The following CSF3R variants were observed in gnomAD, a reference collection of about 807,000 sequenced individuals.
CSF3R encodes granulocyte colony-stimulating factor receptor.
CSF3R carries 52 observed loss-of-function variants against 84.4 expected under a neutral mutation model. The observed-to-expected ratio is 0.62, with a 90% confidence interval of 0.49 to 0.78. The LOEUF is 0.78. Among genes scored for constraint, CSF3R ranks in the 30% least tolerant of loss-of-function variants. The pLI is 0.00. For missense variants in CSF3R, 890 were observed against 1,055.7 expected (o/e 0.84, Z 2.17); for synonymous variants, 384 against 429.1 (o/e 0.89, Z 1.30).
intron 2 of CSF3R, among the ~76,000 whole-genome samples, chr1:36,481,082 G>A (rs1362558716): frequency 6.6e-6 from 1 of 152,166 alleles, no homozygotes; most frequent in Non-Finnish European, 1.5e-5. Flanking sequence ...ACTGGTTGGG[G>A]AAGATTTAGC....
Position 36,473,841 on chromosome 1 carries a change from T to C in CSF3R, c.408A>G (p.Thr136=). ...PHNLSCLMNL[T]TSSLICQWEP... ...CCCACTGGCAGATGAGGCTGCTGGT[T>C]GTGAGGTTCATGAGGCAGGAGAGGT... is the stretch of plus-strand genomic sequence containing the variant. Residue 136 remains threonine, a synonymous_variant, in exon 5 of 17, where the codon ACA becomes ACG. Transcript: ENST00000373106. 2 of 1,614,148 alleles carry C rather than the reference T, an allele frequency of 1.2e-6. No homozygotes were observed. The highest frequency in any genetic ancestry group is 1.7e-6 in the Non-Finnish European group (2 of 1,180,012).
chr1:36,478,576 G>C (rs1194534387), intron 3 of CSF3R, among the ~76,000 whole-genome samples: 1 of 151,834 alleles, frequency 6.6e-6, no homozygotes, highest in Non-Finnish European at 1.5e-5. Flanking sequence ...GGCAGGGCGT[G>C]GCGGGTCATG....
At position 36,466,176 on chromosome 1, in the gene CSF3R, A is replaced by G. The variant is rs1650292728; in HGVS notation, c.*181T>C. The G allele has an allele frequency of 6.2e-7, 1 of 1,614,208 alleles. No individual in the cohort carries two copies. The highest frequency in any genetic ancestry group is 1.1e-5 in the South Asian group (1 of 91,090). On this transcript the variant is annotated 3_prime_UTR_variant, in exon 17 of 17. Transcript: ENST00000373106. This position sits in a 1 kb window ranked among gnomAD's most constrained non-coding sequence, Gnocchi z 4.6. Reference sequence around the variant, plus strand: ...TGGAGCATGATCTGGTCCTTAAAGTATGCAGATCGCCTGGGAGGCCCAGCC... The same window carrying G: ...TGGAGCATGATCTGGTCCTTAAAGTGTGCAGATCGCCTGGGAGGCCCAGCC...
intron 3 of CSF3R, chr1:36,479,157 T>A: frequency 2.0e-6 from 1 of 510,142 alleles, no homozygotes; most frequent in Admixed American, 2.9e-5. Flanking sequence ...ATGGGTTGCT[T>A]CTGACAGCTT....
intron 3 of CSF3R, among the ~76,000 whole-genome samples, chr1:36,478,699 AC>A (rs200113098): frequency 1.8e-4 from 25 of 142,258 alleles, no homozygotes; most frequent in African/African-American, 4.8e-4. Context: ...AAATACAACA[AC>A]AAAAAAAAAT....
rs150398406 is a variant in CSF3R, at chr1:36,471,348, A to G, written c.1285+85T>C. The G allele has an allele frequency of 1.4e-4, 186 of 1,369,528 alleles. No homozygotes were observed. The East Asian group carries it at 4.1e-3, about 30-fold the overall frequency. 84.8% of individuals were successfully genotyped at this position (1,369,528 alleles called of 1,614,324 possible). A position where few individuals can be genotyped will look rare whatever the true frequency, so the allele number is the denominator to read the frequency against. On this transcript the variant is annotated intron_variant, in intron 10 of 16. Transcript: ENST00000373106. ...AGGCGTGAGCCACTGCGCCCGGCCAATAGGACTAGATTTAACCCAGGCAGT... is the reference window on the plus strand; with the variant it reads ...AGGCGTGAGCCACTGCGCCCGGCCAGTAGGACTAGATTTAACCCAGGCAGT...
rs763748002 is a variant in CSF3R at position 36,468,174 on chromosome 1, A to G, written c.1624T>C (p.Trp542Arg). Residue 542 changes from tryptophan to arginine, a missense_variant, in exon 13 of 17, where the codon TGG becomes CGG. Physicochemically the swap from Trp to Arg is moderately radical, Grantham distance 101. Coordinates refer to ENST00000373106, the MANE Select transcript of CSF3R (RefSeq NM_000760.4). Reference protein sequence around the residue: ...ELHLKHIGKTWAQLEWVPEPP... With the variant: ...ELHLKHIGKTRAQLEWVPEPP... ...TCAGGCACCCACTCCAGCTGTGCCC[A>G]GGTCTTGCCAATGTGCTTTAGATGC... is the stretch of plus-strand genomic sequence containing the variant. 6.2e-6 allele frequency: 10 copies of G among 1,611,544 alleles called. No homozygotes were observed. The Admixed American group carries it at 6.7e-5, about 11-fold the overall frequency.
At position 36,467,668 on chromosome 1, in the gene CSF3R, G is replaced by A; in HGVS notation, c.1865-17C>T. On this transcript the variant is annotated splice_polypyrimidine_tract_variant and intron_variant, in intron 14 of 16. Coordinates refer to ENST00000373106, the MANE Select transcript of CSF3R (RefSeq NM_000760.4). This position sits in a 1 kb window ranked among gnomAD's most constrained non-coding sequence, Gnocchi z 4.1. ...CCGACCCCTCTGCAGTGAGGGCAGG[G>A]CCGGAAGAAGTTAGAATGCATGTTG... 6.2e-7 allele frequency: 1 copy of A among 1,613,864 alleles called. No homozygotes were observed. Among genetic ancestry groups the A allele is most frequent in the Non-Finnish European group, 8.5e-7 (1 of 1,179,730 alleles).
At chr1:36,471,759 C>T in intron 9 of CSF3R, 113 bp from the exon 10 acceptor site, 1 of 1,046,376 alleles carries the variant, frequency 9.6e-7, no homozygotes, top group South Asian at 1.4e-5. Flanking sequence ...AGGCTGGGGT[C>T]CAGGCTTCTC....
In CSF3R at chr1:36,480,738, A is replaced by G. The variant is rs1330326155; in HGVS notation, c.-21+740T>C. Among the ~76,000 whole-genome samples the G allele has an allele frequency of 1.3e-5, 2 of 152,238 alleles. 1 individual carries two copies. Among genetic ancestry groups the G allele is most frequent in the Admixed American group, 1.3e-4 (2 of 15,288 alleles). ...CTTCCTCCCAGACAGAGGTGTGGAT[A>G]AGAACTGCCCAGATACCCAAGGTTG... On this transcript the variant is annotated intron_variant, in intron 2 of 16. Coordinates refer to ENST00000373106, the MANE Select transcript of CSF3R (RefSeq NM_000760.4).
In CSF3R at chr1:36,467,021, C is replaced by A; in HGVS notation, c.2041-194G>T. 1.4e-6 allele frequency: 2 copies of A among 1,421,044 alleles called. No individual in the cohort carries two copies. Among genetic ancestry groups the A allele is most frequent in the Non-Finnish European group, 1.9e-6 (2 of 1,030,624 alleles). 88.0% of individuals were successfully genotyped at this position (1,421,044 alleles called of 1,614,324 possible). A position where few individuals can be genotyped will look rare whatever the true frequency, so the allele number is the denominator to read the frequency against. On this transcript the variant is annotated intron_variant, in intron 16 of 16. Transcript: ENST00000373106. This position sits in a 1 kb window ranked among gnomAD's most constrained non-coding sequence, Gnocchi z 4.1. Reference sequence around the variant, plus strand: ...CATGCCATGCACCGTTCAGACTCAGCATGGTCAGTTTTTCCATATCACAGG... The same window carrying A: ...CATGCCATGCACCGTTCAGACTCAGAATGGTCAGTTTTTCCATATCACAGG...
chr1:36,471,940 A>G (rs1247074958), intron 9 of CSF3R, 126 bp downstream of exon 9: 4 of 950,338 alleles, frequency 4.2e-6, no homozygotes, highest in Admixed American at 2.0e-5. Flanking sequence ...TGCAAAGTGC[A>G]TGCAAATCAC....
chr1:36,480,855 TC>T (rs373782609), intron 2 of CSF3R, among the ~76,000 whole-genome samples: 332 of 152,262 alleles, frequency 2.2e-3, no homozygotes, highest in African/African-American at 7.8e-3. Context: ...CCCGTAAGTC[TC>T]CTTTGTGCAA....
rs1650377983 is a variant in CSF3R at position 36,467,190 on chromosome 1, A to T, written c.2040+40T>A. ...GTGTCCCTTCACTGAGCCTGGGCCG[A>T]CATCCCCATCTCATTTCCCTCTCCC... On this transcript the variant is annotated intron_variant, in intron 16 of 16. Transcript: ENST00000373106. The surrounding 1 kb of genome is among the most constrained non-coding windows in gnomAD (Gnocchi z 4.1). The T allele has an allele frequency of 3.7e-6, 6 of 1,601,270 alleles. No individual in the cohort carries two copies.
rs1332066159 is a variant in CSF3R, at chr1:36,472,487, T to G, written c.843+30A>C. The stretch of plus-strand genomic sequence containing the variant: ...TACCCTGCCCCCTGCCCCCACCACC[T>G]CAGGCTCTCCAGGTTGCCCTCTGCC... On this transcript the variant is annotated intron_variant, in intron 7 of 16. Coordinates refer to ENST00000373106, the MANE Select transcript of CSF3R (RefSeq NM_000760.4). This position sits in a 1 kb window ranked among gnomAD's most constrained non-coding sequence, Gnocchi z 5.0. 6.2e-7 allele frequency: 1 copy of G among 1,613,970 alleles called. No individual in the cohort carries two copies. Among genetic ancestry groups the G allele is most frequent in the Non-Finnish European group, 8.5e-7 (1 of 1,179,992 alleles).
intron 4 of CSF3R, 72 bp from the exon 5 acceptor site, chr1:36,473,959 G>A (rs2124130005): frequency 1.2e-6 from 2 of 1,607,360 alleles, no homozygotes; most frequent in South Asian, 2.2e-5. Flanking sequence ...GGACCAGCTG[G>A]CCCTGTTGCC....
rs762170433 is a variant in CSF3R at position 36,466,878 on chromosome 1, C to T, written c.2041-51G>A. On this transcript the variant is annotated intron_variant, in intron 16 of 16. Transcript: ENST00000373106. The surrounding 1 kb of genome is among the most constrained non-coding windows in gnomAD (Gnocchi z 4.6). ...GCACGGCTCATTTCAGATGTCTGCC[C>T]CAGCCACTGTCCCTGTCTGGGTCCG... The T allele has an allele frequency of 6.2e-7, 1 of 1,614,074 alleles. No individual in the cohort carries two copies. The highest frequency in any genetic ancestry group is 1.3e-5 in the African/African-American group (1 of 75,050).
chr1:36,466,195 C>G lies in CSF3R; in HGVS notation c.*162G>C, dbSNP rs1409857530. 6.2e-7 allele frequency: 1 copy of G among 1,614,166 alleles called. No homozygotes were observed. The stretch of plus-strand genomic sequence containing the variant: ...TAAAGTATGCAGATCGCCTGGGAGG[C>G]CCAGCCTATGGAGATTGGGAGGAGA... On this transcript the variant is annotated 3_prime_UTR_variant, in exon 17 of 17. Transcript: ENST00000373106. The surrounding 1 kb of genome is among the most constrained non-coding windows in gnomAD (Gnocchi z 4.6).
chr1:36,471,169 C>T (rs920267744), intron 10 of CSF3R, among the ~76,000 whole-genome samples: 11 of 152,194 alleles, frequency 7.2e-5, no homozygotes, highest in South Asian at 2.1e-4. Context: ...CCTCAGCCTC[C>T]GGAGTAGCTG....
Sources: allele counts gnomAD v4.1 joint callset (sites outside exome capture counted in the v4.1 genomes callset), GRCh38; gene constraint gnomAD v4.1.1; non-coding constraint Gnocchi (gnomAD v3.1); transcripts MANE v1.5; gene names NCBI Gene and HGNC (gene_info 2026-07-23, HGNC 2026-07-21).